Variants in RHAG observed in about 807,000 individuals in gnomAD.
RHAG encodes Rh associated glycoprotein, also known as ammonium transporter Rh type A.
In RHAG, 25 loss-of-function variants were observed where a neutral mutation model predicts 42.4. That is an observed-to-expected ratio of 0.59 (90% CI 0.43 to 0.82). RHAG has a LOEUF of 0.82. Among genes scored for constraint, RHAG ranks in the 40% least tolerant of loss-of-function variants. RHAG has a pLI of 0.00. For missense variants in RHAG, 483 were observed against 504.6 expected (o/e 0.96, Z 0.41); for synonymous variants, 182 against 177.7 (o/e 1.02, Z -0.19).
intron 1 of RHAG, among the ~76,000 whole-genome samples, chr6:49,629,611 C>T (rs1274461162): frequency 2.7e-5 from 4 of 150,756 alleles, no homozygotes; most frequent in African/African-American, 9.8e-5. Flanking sequence ...TGGCGTTCAT[C>T]GGGGAGGCTC....
intron 3 of RHAG, among the ~76,000 whole-genome samples, chr6:49,617,241 G>A (rs1268656109): frequency 6.6e-6 from 1 of 152,058 alleles, no homozygotes; most frequent in Non-Finnish European, 1.5e-5. Flanking sequence ...GTATCTTTTA[G>A]GTCCAGCGTA....
chr6:49,624,274 C>T (rs1304799027), intron 1 of RHAG, among the ~76,000 whole-genome samples: 1 of 152,140 alleles, frequency 6.6e-6, no homozygotes, highest in African/African-American at 2.4e-5. Context: ...GGCGCAATCT[C>T]GGCTCACTGC....
intron 1 of RHAG, among the ~76,000 whole-genome samples, chr6:49,626,673 CTG>C (rs1346269009): frequency 6.6e-6 from 1 of 152,220 alleles, no homozygotes; most frequent in Non-Finnish European, 1.5e-5. Context: ...AGTAGTGACT[CTG>C]TGTTTGGGCT....
Position 49,615,851 on chromosome 6 carries a change from C to T in RHAG, c.493-80G>A. The T allele has an allele frequency of 2.1e-6, 3 of 1,418,536 alleles. No individual in the cohort carries two copies. The South Asian group carries it at 3.5e-5, about 16-fold the overall frequency. 87.9% of individuals were successfully genotyped at this position (1,418,536 alleles called of 1,614,324 possible). ...GGGAGGAAAGTCAATGAAAGAATTG[C>T]ATTGTTGGTTAAACAACTTAAAAAA... On this transcript the variant is annotated intron_variant, in intron 3 of 9. Transcript: ENST00000371175.
intron 3 of RHAG, 87 bp downstream of exon 3, chr6:49,617,981 G>T: frequency 8.6e-7 from 1 of 1,165,940 alleles, no homozygotes; most frequent in Non-Finnish European, 1.3e-6. Context: ...ACCAAGATTT[G>T]CTCCCATATA....
At position 49,611,131 on chromosome 6, in the gene RHAG, A is replaced by G. The variant is rs113504828; in HGVS notation, c.960T>C (p.Thr320=). The change falls in exon 7 of 10, where the codon ACT becomes ACC. Residue 320 remains threonine (T), a synonymous_variant. Transcript: ENST00000371175. The part of the protein sequence containing the change: ...GYKFLTPLFT[T]KLRIHDTCGV... Reference sequence around the variant, plus strand: ...CACATGTATCATGGATCCTCAGTTTAGTAGTAAAAAGTGGCTAAAATTATA... The same window carrying G: ...CACATGTATCATGGATCCTCAGTTTGGTAGTAAAAAGTGGCTAAAATTATA... 1 of 1,613,294 alleles carries G rather than the reference A, an allele frequency of 6.2e-7. No individual in the cohort carries two copies. The highest frequency in any genetic ancestry group is 8.5e-7 in the Non-Finnish European group (1 of 1,179,480).
chr6:49,633,049 T>A (rs1182288806), intron 1 of RHAG, among the ~76,000 whole-genome samples: 1 of 152,208 alleles, frequency 6.6e-6, no homozygotes, highest in African/African-American at 2.4e-5. Context: ...TACGGTTGTG[T>A]GCAAACCCAA....
chr6:49,612,594 C>A, intron 5 of RHAG, 60 bp from the exon 6 acceptor site: 1 of 1,600,780 alleles, frequency 6.2e-7, no homozygotes, highest in South Asian at 1.1e-5. Context: ...TCAGAAGGAT[C>A]AGAGGATTCT....
chr6:49,636,292 T>G (rs1763008942), intron 1 of RHAG, among the ~76,000 whole-genome samples: 1 of 152,106 alleles, frequency 6.6e-6, no homozygotes, highest in Non-Finnish European at 1.5e-5. Context: ...CTCTCTCTCC[T>G]CCAAAGTTAC....
chr6:49,605,188 C>A lies in RHAG; in HGVS notation c.*625G>T, dbSNP rs1170007638. On this transcript the variant is annotated 3_prime_UTR_variant, in exon 10 of 10. Transcript: ENST00000371175. ...CAAAGACTGATGTTTTATTTTATAA[C>A]AATATTTAATTATTGGACATTTTAT... is the stretch of plus-strand genomic sequence containing the variant. 2 of 154,508 alleles carry A rather than the reference C, an allele frequency of 1.3e-5. No homozygotes were observed. Among genetic ancestry groups the A allele is most frequent in the Non-Finnish European group, 1.4e-5 (1 of 69,520 alleles). 9.6% of individuals were successfully genotyped at this position (154,508 alleles called of 1,614,324 possible).
chr6:49,613,916 T>C (rs1762607576), intron 5 of RHAG, among the ~76,000 whole-genome samples: 1 of 152,216 alleles, frequency 6.6e-6, no homozygotes. Context: ...TAGTATCCTA[T>C]TGAAGATCCC....
chr6:49,621,423 C>T (rs1473157844), intron 1 of RHAG, among the ~76,000 whole-genome samples: 1 of 152,144 alleles, frequency 6.6e-6, no homozygotes, highest in African/African-American at 2.4e-5. Context: ...ATAATCCTAG[C>T]TTCAGAGCCT....
chr6:49,621,371 A>G lies in RHAG; in HGVS notation c.158-2009T>C, dbSNP rs548627663. Among the ~76,000 whole-genome samples the G allele has an allele frequency of 3.3e-5, 5 of 152,294 alleles. No individual in the cohort carries two copies. In the East Asian group the frequency reaches 9.7e-4, roughly 29 times the overall value. ...AGTCTGGACACAATAACTGATTCACATGAGCAACCGCTTGTCTCAGAAAAG... is the reference window on the plus strand; with the variant it reads ...AGTCTGGACACAATAACTGATTCACGTGAGCAACCGCTTGTCTCAGAAAAG... On this transcript the variant is annotated intron_variant, in intron 1 of 9. Transcript: ENST00000371175.
intron 1 of RHAG, among the ~76,000 whole-genome samples, chr6:49,627,475 C>T (rs1043934639): frequency 6.6e-6 from 1 of 152,190 alleles, no homozygotes; most frequent in Non-Finnish European, 1.5e-5. Context: ...CTTTCCCACA[C>T]CTTCGTGTCT....
chr6:49,619,036 G>T, intron 2 of RHAG, 143 bp downstream of exon 2: 1 of 888,866 alleles, frequency 1.1e-6, no homozygotes, highest in Non-Finnish European at 1.8e-6. Flanking sequence ...CAAGGACACT[G>T]ATCCCATTCA....
intron 1 of RHAG, among the ~76,000 whole-genome samples, chr6:49,633,048 G>T (rs1446923781): frequency 2.0e-5 from 3 of 152,278 alleles, no homozygotes; most frequent in Non-Finnish European, 2.9e-5. Context: ...TTACGGTTGT[G>T]TGCAAACCCA....
In RHAG at chr6:49,618,173, A is replaced by G. The variant is rs747859879; in HGVS notation, c.387T>C (p.Phe129=). The G allele has an allele frequency of 3.1e-6, 5 of 1,614,078 alleles. No homozygotes were observed. In the African/African-American group the frequency reaches 5.3e-5, roughly 17 times the overall value. Residue 129 remains phenylalanine (F), a synonymous_variant, in exon 3 of 10, where the codon TTT becomes TTC. Coordinates refer to ENST00000371175, the MANE Select transcript of RHAG (RefSeq NM_000324.3). ...GGCTCGTTTTTCCCAGGACAGCTCC[A>G]AAAGATATCAGAACTGTGGCTGCAC... The part of the protein sequence containing the change: ...DFSAATVLIS[F]GAVLGKTSPT...
chr6:49,618,265 A>G (rs1234148701), intron 2 of RHAG, 47 bp from the exon 3 acceptor site: 1 of 1,608,820 alleles, frequency 6.2e-7, no homozygotes, highest in Non-Finnish European at 8.5e-7. Flanking sequence ...CACCCAACAT[A>G]AAACTGACCA....
intron 1 of RHAG, among the ~76,000 whole-genome samples, chr6:49,629,121 G>A (rs1046761066): frequency 6.6e-6 from 1 of 152,148 alleles, no homozygotes; most frequent in Non-Finnish European, 1.5e-5. Flanking sequence ...TCCACACAAA[G>A]GTTCTCCAAG....
Sources: allele counts gnomAD v4.1 joint callset (sites outside exome capture counted in the v4.1 genomes callset), GRCh38; gene constraint gnomAD v4.1.1; transcripts MANE v1.5; gene names NCBI Gene and HGNC (gene_info 2026-07-23, HGNC 2026-07-21).